NKAIN3: variants seen among roughly 807,000 people sequenced by gnomAD.
NKAIN3 encodes the protein sodium/potassium transporting ATPase interacting 3.
In NKAIN3, 25 loss-of-function variants were observed where a neutral mutation model predicts 30.2. The ratio of observed to expected loss-of-function variants is 0.83; its 90% CI spans 0.60 to 1.16. NKAIN3 has a LOEUF of 1.16. Among genes scored for constraint, NKAIN3 ranks in the 50% most tolerant of loss-of-function variants. The probability of loss-of-function intolerance (pLI) is 0.00; values close to 1 mark genes in which losing one functional copy is unlikely to be tolerated. For synonymous variants in NKAIN3, 91 were observed against 89.6 expected (o/e 1.02, Z -0.09); for missense variants, 225 against 254.1 (o/e 0.89, Z 0.78).
chr8:62,960,055 T>C (rs1823527425), intron 6 of NKAIN3, among the ~76,000 whole-genome samples: 1 of 152,250 alleles, frequency 6.6e-6, no homozygotes, highest in African/African-American at 2.4e-5. Context: ...CATGGACTAC[T>C]GTAAGAACAC....
chr8:62,423,116 A>G (rs1413991535), intron 1 of NKAIN3, among the ~76,000 whole-genome samples: 1 of 152,060 alleles, frequency 6.6e-6, no homozygotes, highest in Non-Finnish European at 1.5e-5. Flanking sequence ...AAGTGACACA[A>G]ATCACTTTTG....
intron 1 of NKAIN3, among the ~76,000 whole-genome samples, chr8:62,303,163 G>T (rs577856107): frequency 6.6e-6 from 1 of 150,592 alleles, no homozygotes; most frequent in African/African-American, 2.5e-5. Context: ...TTTAAAAACA[G>T]TTGTGCTCTT....
At chr8:62,940,185 T>G (rs562124202) in intron 5 of NKAIN3, among the ~76,000 whole-genome samples, 2 of 150,632 alleles carry the variant, frequency 1.3e-5, no homozygotes, top group African/African-American at 4.9e-5. Flanking sequence ...CATTATATTA[T>G]GATAAAAGGA....
rs550380001 is a variant in NKAIN3, at chr8:62,851,118, C to A, written c.472-67335C>A. On this transcript the variant is annotated intron_variant, in intron 4 of 6. Transcript: ENST00000623646. Reference sequence around the variant, plus strand: ...GAATGTTCTTCCATTTGCTTGTATCCTCTTTTATTTCCTTGAGCAGTGGTT... The same window carrying A: ...GAATGTTCTTCCATTTGCTTGTATCATCTTTTATTTCCTTGAGCAGTGGTT... 3.9e-5 allele frequency among the ~76,000 whole-genome samples: 6 copies of A among 152,046 alleles called. No homozygotes were observed. In the South Asian group the frequency reaches 1.2e-3, roughly 32 times the overall value.
chr8:62,790,928 C>T (rs116524023), intron 4 of NKAIN3, among the ~76,000 whole-genome samples: 3,388 of 152,036 alleles, frequency 0.022, 123 homozygotes, highest in African/African-American at 0.077. Flanking sequence ...AATCCTATCT[C>T]GGCCGATGAC....
rs1354599700 is a variant in NKAIN3, at chr8:62,249,059, G to A, written c.-15G>A. The A allele has an allele frequency of 1.3e-6, 2 of 1,533,870 alleles. No homozygotes were observed. Among genetic ancestry groups the A allele is most frequent in the South Asian group, 1.2e-5 (1 of 83,416 alleles). On this transcript the variant is annotated 5_prime_UTR_variant, in exon 1 of 7. Transcript: ENST00000623646. ...GATCTCTGGCAGTCAGCGCCGCTCG[G>A]ACGCCGCCGGCACCATGGGCTGCTG...
At chr8:62,346,857 G>C (rs1282689413) in intron 1 of NKAIN3, among the ~76,000 whole-genome samples, 1 of 152,112 alleles carries the variant, frequency 6.6e-6, no homozygotes, top group Non-Finnish European at 1.5e-5. Context: ...CTTGGAATGG[G>C]TACATTAACT....
intron 3 of NKAIN3, among the ~76,000 whole-genome samples, chr8:62,637,795 G>T (rs550976313): frequency 1.3e-5 from 2 of 152,252 alleles, no homozygotes; most frequent in South Asian, 4.1e-4. Flanking sequence ...TGAGAGTGAG[G>T]CCAACGAGGG....
At chr8:62,514,883 T>C (rs1778184766) in intron 1 of NKAIN3, among the ~76,000 whole-genome samples, 2 of 152,166 alleles carry the variant, frequency 1.3e-5, no homozygotes, top group African/African-American at 2.4e-5. Flanking sequence ...AATTCCACCT[T>C]GATCTCACTT....
intron 1 of NKAIN3, among the ~76,000 whole-genome samples, chr8:62,501,724 C>T (rs571254726): frequency 6.6e-6 from 1 of 152,288 alleles, no homozygotes; most frequent in Non-Finnish European, 1.5e-5. Context: ...AGTGATTACT[C>T]AACTTAAAAG....
At position 62,505,758 on chromosome 8, in the gene NKAIN3, A is replaced by G. The variant is rs181457440; in HGVS notation, c.55-73781A>G. On this transcript the variant is annotated intron_variant, in intron 1 of 6. Transcript: ENST00000623646. ...CCAAAGAATCTTTGTCTGATGGCCT[A>G]TATGTATTAGTTTCCCATTGCTGCT... Among the ~76,000 whole-genome samples the G allele has an allele frequency of 3.0e-3, 464 of 152,246 alleles. 3 individuals are homozygous for G. Among genetic ancestry groups the G allele is most frequent in the African/African-American group, 0.011 (453 of 41,564 alleles).
chr8:62,852,590 C>G (rs62510778), intron 4 of NKAIN3, among the ~76,000 whole-genome samples: 1 of 151,856 alleles, frequency 6.6e-6, no homozygotes, highest in Non-Finnish European at 1.5e-5. Flanking sequence ...TGTGGGCATT[C>G]AGTGCTATAA....
At chr8:62,492,686 CT>C (rs1005822869) in intron 1 of NKAIN3, among the ~76,000 whole-genome samples, 1 of 152,052 alleles carries the variant, frequency 6.6e-6, no homozygotes, top group African/African-American at 2.4e-5. Context: ...TGAAATTACG[CT>C]TTTTTTGCAG....
At chr8:62,436,516 A>G (rs1271004946) in intron 1 of NKAIN3, among the ~76,000 whole-genome samples, 1 of 152,190 alleles carries the variant, frequency 6.6e-6, no homozygotes, top group Non-Finnish European at 1.5e-5. Flanking sequence ...TGTGATCACC[A>G]GCTTAATGAA....
At chr8:62,819,190 A>G (rs1818779377) in intron 4 of NKAIN3, among the ~76,000 whole-genome samples, 1 of 149,604 alleles carries the variant, frequency 6.7e-6, no homozygotes, top group Non-Finnish European at 1.5e-5. Context: ...GTTAGGCACA[A>G]TAACAGTATT....
intron 1 of NKAIN3, among the ~76,000 whole-genome samples, chr8:62,527,882 GGTGTGTGTGT>G (rs68020312): frequency 7.0e-5 from 10 of 143,688 alleles, no homozygotes; most frequent in African/African-American, 2.3e-4. Flanking sequence ...ACTTTTTTTT[GGTGTGTGTGT>G]GTGTGTGTGT....
intron 4 of NKAIN3, among the ~76,000 whole-genome samples, chr8:62,909,079 A>G (rs552259695): frequency 3.7e-4 from 57 of 152,280 alleles, no homozygotes; most frequent in African/African-American, 1.3e-3. Context: ...GGGATGACTC[A>G]ATTTTTTAAT....
intron 5 of NKAIN3, among the ~76,000 whole-genome samples, chr8:62,949,329 C>A (rs1823214333): frequency 6.6e-6 from 1 of 152,134 alleles, no homozygotes; most frequent in African/African-American, 2.4e-5. Flanking sequence ...GTCCCATAAA[C>A]AAATAGAAAA....
At chr8:62,897,655 C>T (rs570132260) in intron 4 of NKAIN3, among the ~76,000 whole-genome samples, 41 of 152,120 alleles carry the variant, frequency 2.7e-4, no homozygotes, top group African/African-American at 8.9e-4. Context: ...CTCAATATGG[C>T]AATACTGGGA....
Sources: gnomAD v4.1 joint callset for allele counts (sites outside exome capture counted in the v4.1 genomes callset) on GRCh38, gnomAD v4.1.1 for gene constraint, MANE v1.5 for transcripts, NCBI Gene and HGNC (gene_info 2026-07-23, HGNC 2026-07-21) for gene names.